The following ZFP91 variants were observed in gnomAD, a reference collection of about 807,000 sequenced individuals.
ZFP91 encodes the protein ZFP91 zinc finger protein, atypical E3 ubiquitin ligase.
A neutral mutation model predicts 63.5 loss-of-function variants in ZFP91; 7 were observed. The ratio of observed to expected loss-of-function variants is 0.11; its 90% CI spans 0.06 to 0.21. ZFP91 has a LOEUF of 0.21. ZFP91 is among the 10% of genes least tolerant of loss of function. ZFP91 has a pLI of 1.00. For missense variants in ZFP91, 628 were observed against 736.6 expected, an observed-to-expected ratio of 0.85 and a Z score of 1.71; for synonymous variants, 330 against 272.1, an observed-to-expected ratio of 1.21 and a Z score of -2.10.
At chr11:58,616,482 G>C (rs980932796) in intron 9 of ZFP91, among the ~76,000 whole-genome samples, 4 of 151,570 alleles carry the variant, frequency 2.6e-5, no homozygotes, top group African/African-American at 9.7e-5. Context: ...TTTTTATCTA[G>C]TTTTTCTGTT....
intron 2 of ZFP91, among the ~76,000 whole-genome samples, chr11:58,605,562 AT>A (rs200532904): frequency 0.14 from 21,328 of 147,102 alleles, 1,726 homozygotes; most frequent in Admixed American, 0.19. Flanking sequence ...TTGCTTGACG[AT>A]TTTTTTTTTT....
At chr11:58,592,079 C>CT (rs34964779) in intron 2 of ZFP91, among the ~76,000 whole-genome samples, 4,569 of 108,350 alleles carry the variant, frequency 0.042, 178 homozygotes, top group African/African-American at 0.085. Context: ...CTGAGCACAT[C>CT]TTTTTTTTTT....
chr11:58,589,448 A>G (rs760522667), intron 2 of ZFP91, among the ~76,000 whole-genome samples: 2 of 152,180 alleles, frequency 1.3e-5, no homozygotes, highest in Admixed American at 6.5e-5. Context: ...CAACAACAAC[A>G]ACAAAAGCCT....
At chr11:58,613,068 C>T (rs953195244) in intron 8 of ZFP91, among the ~76,000 whole-genome samples, 3 of 152,158 alleles carry the variant, frequency 2.0e-5, no homozygotes, top group Non-Finnish European at 4.4e-5. Context: ...AAGGTCATCA[C>T]CAAGGTCTGA....
Position 58,588,364 on chromosome 11 carries a change from A to G in ZFP91, c.370+3480A>G, listed in dbSNP as rs537745895. On this transcript the variant is annotated intron_variant, in intron 2 of 10. Coordinates refer to ENST00000316059, the MANE Select transcript of ZFP91 (RefSeq NM_053023.5). ...AGCTTAACTGTTAAGTATTTACCTT[A>G]CCTAGTTTATCATAATCAGCATACT... Among the ~76,000 whole-genome samples the G allele has an allele frequency of 1.7e-4, 26 of 152,278 alleles. No homozygotes were observed. In the South Asian group the frequency reaches 5.4e-3, roughly 32 times the overall value.
intron 2 of ZFP91, among the ~76,000 whole-genome samples, chr11:58,595,133 T>C (rs1490785998): frequency 6.6e-6 from 1 of 152,214 alleles, no homozygotes; most frequent in African/African-American, 2.4e-5. Flanking sequence ...TTTTAATATG[T>C]GCACTTGGGA....
intron 5 of ZFP91, 161 bp from the exon 6 acceptor site, chr11:58,611,443 C>A (rs1276904626): frequency 4.4e-6 from 4 of 917,480 alleles, no homozygotes; most frequent in South Asian, 2.1e-5. Context: ...ATATTTGGAT[C>A]ATTACTATGC....
chr11:58,617,795 C>A lies in ZFP91; in HGVS notation c.*89C>A. ...AAAAAAAATCTAAAGCATTTAAAAT[C>A]TAGTGAAATAACTGAAGGGCCTGCT... On this transcript the variant is annotated 3_prime_UTR_variant, in exon 11 of 11. Coordinates refer to ENST00000316059, the MANE Select transcript of ZFP91 (RefSeq NM_053023.5). The surrounding 1 kb of genome is among the most constrained non-coding windows in gnomAD (Gnocchi z 4.2). 7.0e-7 allele frequency: 1 copy of A among 1,430,784 alleles called. No homozygotes were observed. Among genetic ancestry groups the A allele is most frequent in the Non-Finnish European group, 9.1e-7 (1 of 1,098,276 alleles). The allele number at this position is 1,430,784 out of a possible 1,614,324, so 88.6% of individuals were successfully genotyped here.
At chr11:58,587,292 G>A (rs1482691198) in intron 2 of ZFP91, among the ~76,000 whole-genome samples, 2 of 152,086 alleles carry the variant, frequency 1.3e-5, no homozygotes, top group East Asian at 3.9e-4. Flanking sequence ...TGTGTCTGGC[G>A]CTATTCTAGG....
intron 2 of ZFP91, among the ~76,000 whole-genome samples, chr11:58,595,432 C>T (rs1855380903): frequency 6.6e-6 from 1 of 152,008 alleles, no homozygotes; most frequent in African/African-American, 2.4e-5. Flanking sequence ...TTATCATGAC[C>T]AAGTGGCTCT....
intron 2 of ZFP91, among the ~76,000 whole-genome samples, chr11:58,586,363 G>A (rs1035289382): frequency 3.9e-5 from 6 of 152,128 alleles, no homozygotes; most frequent in South Asian, 2.1e-4. Flanking sequence ...GTTGAGTAAA[G>A]ACAGGGTTTA....
At chr11:58,593,575 T>C (rs1262557749) in intron 2 of ZFP91, among the ~76,000 whole-genome samples, 1 of 152,190 alleles carries the variant, frequency 6.6e-6, no homozygotes, top group Non-Finnish European at 1.5e-5. Flanking sequence ...AACAACACAT[T>C]TCATAAATAT....
intron 1 of ZFP91, among the ~76,000 whole-genome samples, chr11:58,583,099 T>A (rs1699931981): frequency 6.6e-6 from 1 of 152,100 alleles, no homozygotes; most frequent in African/African-American, 2.4e-5. Flanking sequence ...AGTATACTAG[T>A]TTTTGCCTAT....
chr11:58,591,310 G>T (rs1204466512), intron 2 of ZFP91, among the ~76,000 whole-genome samples: 2 of 152,118 alleles, frequency 1.3e-5, no homozygotes, highest in Non-Finnish European at 2.9e-5. Context: ...TATTTTAGTT[G>T]TTGTATAGTG....
At chr11:58,615,177 CAT>C (rs1321499868) in intron 9 of ZFP91, among the ~76,000 whole-genome samples, 4 of 152,152 alleles carry the variant, frequency 2.6e-5, no homozygotes, top group African/African-American at 9.7e-5. Context: ...AATGAGATAA[CAT>C]AAAATGCTAT....
At chr11:58,612,893 C>A in intron 8 of ZFP91, 53 bp downstream of exon 8, 1 of 1,477,942 alleles carries the variant, frequency 6.8e-7, no homozygotes, top group South Asian at 1.2e-5. Flanking sequence ...ATTACTTGTT[C>A]TTGCACCACG....
chr11:58,581,137 T>G (rs1353282297), intron 1 of ZFP91, among the ~76,000 whole-genome samples: 3 of 152,290 alleles, frequency 2.0e-5, no homozygotes, highest in Non-Finnish European at 4.4e-5. Flanking sequence ...ACAAGTTGCG[T>G]TTTTCAGTAA....
chr11:58,617,850 A>G lies in ZFP91; in HGVS notation c.*144A>G. ...CCATTGTGGATCACAGCACACACAT[A>G]CATACACCCTCCACCTCCCCATCCC... On this transcript the variant is annotated 3_prime_UTR_variant, in exon 11 of 11. Transcript: ENST00000316059. This position sits in a 1 kb window ranked among gnomAD's most constrained non-coding sequence, Gnocchi z 4.2. 1 of 1,110,296 alleles carries G rather than the reference A, an allele frequency of 9.0e-7. No homozygotes were observed. The highest frequency in any genetic ancestry group is 1.2e-6 in the Non-Finnish European group (1 of 844,932). The allele number at this position is 1,110,296 out of a possible 1,614,324, so 68.8% of individuals were successfully genotyped here.
At position 58,618,553 on chromosome 11, in the gene ZFP91, CTTAT is replaced by C. The variant is rs1449304143; in HGVS notation, c.*853_*856del. On this transcript the variant is annotated 3_prime_UTR_variant, in exon 11 of 11. Coordinates refer to ENST00000316059, the MANE Select transcript of ZFP91 (RefSeq NM_053023.5). ...TTTTGTGTTGTGGAACCTGAGATTCCTTATTTATTAACAGGAAGTCTGATTTTTT... is the reference window on the plus strand; with the variant it reads ...TTTTGTGTTGTGGAACCTGAGATTCCTTATTAACAGGAAGTCTGATTTTTT... 7.4e-6 allele frequency: 3 copies of C among 403,484 alleles called. No homozygotes were observed. Among genetic ancestry groups the C allele is most frequent in the East Asian group, 7.2e-5 (1 of 13,908 alleles). 25.0% of individuals were successfully genotyped at this position (403,484 alleles called of 1,614,324 possible).
Sources: allele counts gnomAD v4.1 joint callset (sites outside exome capture counted in the v4.1 genomes callset), GRCh38; gene constraint gnomAD v4.1.1; non-coding constraint Gnocchi (gnomAD v3.1); transcripts MANE v1.5; gene names NCBI Gene and HGNC (gene_info 2026-07-23, HGNC 2026-07-21).